The following CHRM5 variants were observed in gnomAD, a reference collection of about 807,000 sequenced individuals.
The protein encoded by CHRM5 is cholinergic receptor muscarinic 5.
CHRM5 carries 18 observed loss-of-function variants against 39.0 expected under a neutral mutation model. The observed-to-expected ratio is 0.46, with a 90% CI of 0.32 to 0.68. The LOEUF (loss-of-function observed/expected upper bound fraction) is 0.68, where lower values mean the gene tolerates loss of function less well. Ranked by LOEUF, CHRM5 falls within the 30% of genes least tolerant of loss-of-function variation. The pLI is 0.04. For synonymous variants in CHRM5, 241 were observed against 246.3 expected (o/e 0.98, Z 0.20); for missense variants, 515 against 651.1 (o/e 0.79, Z 2.28).
chr15:33,988,228 T>C (rs1896561309), intron 1 of CHRM5, among the ~76,000 whole-genome samples: 2 of 152,222 alleles, frequency 1.3e-5, no homozygotes, highest in Admixed American at 1.3e-4. Context: ...GACAGTGATA[T>C]ACAATAAACA....
chr15:34,037,038 G>A (rs1312107958), intron 1 of CHRM5, among the ~76,000 whole-genome samples: 1 of 151,794 alleles, frequency 6.6e-6, no homozygotes, highest in Non-Finnish European at 1.5e-5. Context: ...GAACCCGGGA[G>A]GCGGAGGTTG....
intron 1 of CHRM5, among the ~76,000 whole-genome samples, chr15:34,042,145 C>T (rs1899498476): frequency 6.6e-6 from 1 of 152,190 alleles, no homozygotes. Context: ...ACAAGTACCT[C>T]CTGCATTTTG....
Position 34,063,000 on chromosome 15 carries a change from C to T in CHRM5, c.283C>T (p.Arg95Cys), listed in dbSNP as rs755710294. The change falls in exon 3 of 3, where the codon CGC (arginine) becomes TGC (cysteine). Residue 95 changes from arginine (R) to cysteine (C), a missense_variant. Coordinates refer to ENST00000383263, the MANE Select transcript of CHRM5 (RefSeq NM_012125.4). Reference sequence around the variant, plus strand: ...CTACACCACCTACATCCTCATGGGACGCTGGGCTCTCGGGAGTCTGGCTTG... The same window carrying T: ...CTACACCACCTACATCCTCATGGGATGCTGGGCTCTCGGGAGTCTGGCTTG... Reference protein sequence around the residue: ...NLYTTYILMGRWALGSLACDL... With the variant: ...NLYTTYILMGCWALGSLACDL... 6.2e-6 allele frequency: 10 copies of T among 1,614,094 alleles called. No homozygotes were observed. The highest frequency in any genetic ancestry group is 8.5e-6 in the Non-Finnish European group (10 of 1,180,044).
chr15:34,038,637 A>C, intron 1 of CHRM5: 1 of 627,526 alleles, frequency 1.6e-6, no homozygotes. Flanking sequence ...CCGCGCCACC[A>C]TCCGCCCGTC....
chr15:33,971,293 T>C, intron 1 of CHRM5, among the ~76,000 whole-genome samples: 1 of 152,192 alleles, frequency 6.6e-6, no homozygotes, highest in East Asian at 1.9e-4. Context: ...ACATATTATA[T>C]AAAAGTATTA....
At chr15:34,007,527 T>C (rs1897409072) in intron 1 of CHRM5, among the ~76,000 whole-genome samples, 1 of 152,178 alleles carries the variant, frequency 6.6e-6, no homozygotes, top group African/African-American at 2.4e-5. Flanking sequence ...TTAATGTCCA[T>C]ATTTCTACCA....
chr15:34,023,241 C>T (rs1389150113), intron 1 of CHRM5, among the ~76,000 whole-genome samples: 1 of 152,058 alleles, frequency 6.6e-6, no homozygotes, highest in Non-Finnish European at 1.5e-5. Context: ...ACTCAGGTTG[C>T]TACTCCAGGC....
At chr15:34,025,599 C>T (rs114925832) in intron 1 of CHRM5, among the ~76,000 whole-genome samples, 38 of 152,230 alleles carry the variant, frequency 2.5e-4, no homozygotes, top group African/African-American at 8.9e-4. Flanking sequence ...ATGTTAATGT[C>T]CTGATTTTGA....
chr15:34,030,525 T>G (rs1202675464), intron 1 of CHRM5, among the ~76,000 whole-genome samples: 1 of 152,006 alleles, frequency 6.6e-6, no homozygotes, highest in Non-Finnish European at 1.5e-5. Context: ...TTTTTGTATT[T>G]TTAGTAGAGA....
chr15:34,033,868 A>G (rs1339632411), intron 1 of CHRM5, among the ~76,000 whole-genome samples: 2 of 152,010 alleles, frequency 1.3e-5, no homozygotes, highest in Non-Finnish European at 2.9e-5. Flanking sequence ...GCTCACTGCA[A>G]CCTCCGCCTC....
intron 1 of CHRM5, among the ~76,000 whole-genome samples, chr15:33,974,915 T>C (rs1416956689): frequency 1.3e-5 from 2 of 152,122 alleles, no homozygotes; most frequent in Non-Finnish European, 2.9e-5. Context: ...GAGCTTGCAG[T>C]GAGCCAAGAT....
At chr15:33,977,924 G>A (rs1394668674) in intron 1 of CHRM5, among the ~76,000 whole-genome samples, 1 of 149,086 alleles carries the variant, frequency 6.7e-6, no homozygotes, top group Non-Finnish European at 1.5e-5. Context: ...GTGACAGAAC[G>A]AGCCCTGTCA....
At chr15:33,994,564 A>G (rs918657316) in intron 1 of CHRM5, among the ~76,000 whole-genome samples, 5 of 152,206 alleles carry the variant, frequency 3.3e-5, no homozygotes, top group Non-Finnish European at 5.9e-5. Context: ...GGTGCCAAAA[A>G]GGTTGGGGAC....
Position 34,063,521 on chromosome 15 carries a change from G to C in CHRM5, c.804G>C (p.Gln268His), listed in dbSNP as rs1239713658. ...RPTLAQRERN[Q>H]ASWSSSRRST... The stretch of plus-strand genomic sequence containing the variant: ...CCCTGGCCCAGCGGGAAAGGAACCA[G>C]GCCTCCTGGTCATCCTCCCGCAGGA... Residue 268 changes from glutamine (Q) to histidine (H), a missense_variant, in exon 3 of 3, where the codon CAG becomes CAC. Gln to His is a conservative substitution (Grantham distance 24). Transcript: ENST00000383263. This position sits in a 1 kb window ranked among gnomAD's most constrained non-coding sequence, Gnocchi z 4.1. 6.2e-7 allele frequency: 1 copy of C among 1,613,710 alleles called. No individual in the cohort carries two copies. Among genetic ancestry groups the C allele is most frequent in the Non-Finnish European group, 8.5e-7 (1 of 1,180,024 alleles).
At chr15:34,031,966 G>T (rs1347096624) in intron 1 of CHRM5, among the ~76,000 whole-genome samples, 1 of 151,186 alleles carries the variant, frequency 6.6e-6, no homozygotes, top group Non-Finnish European at 1.5e-5. Flanking sequence ...CCATCCAAGA[G>T]AAAAAGTATT....
intron 1 of CHRM5, among the ~76,000 whole-genome samples, chr15:34,026,243 C>T (rs1204555142): frequency 6.6e-6 from 1 of 151,974 alleles, no homozygotes; most frequent in Admixed American, 6.6e-5. Flanking sequence ...AAAGAATATA[C>T]ATCAAATGTT....
chr15:33,969,408 TTTTA>T (rs914887756), intron 1 of CHRM5, among the ~76,000 whole-genome samples: 3 of 151,952 alleles, frequency 2.0e-5, no homozygotes, highest in Admixed American at 6.6e-5. Context: ...CCCAATTTTG[TTTTA>T]TTTAATAGCT....
At chr15:34,046,342 GGA>G (rs1491503090) in intron 1 of CHRM5, among the ~76,000 whole-genome samples, 196 bp from the exon 2 acceptor site, 31 of 12,362 alleles carry the variant, frequency 2.5e-3, no homozygotes, top group African/African-American at 5.2e-3. Context: ...AAGTGAGGCA[GGA>G]AAAAAAAAAA....
At chr15:33,989,255 G>A (rs1160038720) in intron 1 of CHRM5, among the ~76,000 whole-genome samples, 1 of 151,930 alleles carries the variant, frequency 6.6e-6, no homozygotes, top group African/African-American at 2.4e-5. Context: ...TGACAGCCCC[G>A]TGTTAATGAC....
Sources: gnomAD v4.1 joint callset for allele counts (sites outside exome capture counted in the v4.1 genomes callset) on GRCh38, gnomAD v4.1.1 for gene constraint, Gnocchi (gnomAD v3.1) non-coding constraint, MANE v1.5 for transcripts, NCBI Gene and HGNC (gene_info 2026-07-23, HGNC 2026-07-21) for gene names.